GPBP1L1: variants seen among roughly 807,000 people sequenced by gnomAD.
The protein encoded by GPBP1L1 is vasculin-like protein 1.
A neutral mutation model predicts 52.5 loss-of-function variants in GPBP1L1; 23 were observed. The ratio of observed to expected loss-of-function variants is 0.44; its 90% CI spans 0.32 to 0.62. The LOEUF (loss-of-function observed/expected upper bound fraction) is 0.62. Ranked by LOEUF, GPBP1L1 falls within the 20% of genes least tolerant of loss-of-function variation. GPBP1L1 has a pLI of 0.06. For missense variants in GPBP1L1, 596 were observed against 579.3 expected (o/e 1.03, Z -0.30); for synonymous variants, 243 against 203.1 (o/e 1.20, Z -1.67).
chr1:45,687,457 T>G (rs900945513), upstream of GPBP1L1: 1 of 152,324 alleles, frequency 6.6e-6, no homozygotes, highest in African/African-American at 2.4e-5. Context: ...TCCGGAGGAT[T>G]GGAGGGACTG....
At chr1:45,637,780 A>G (rs1302655227) in intron 8 of GPBP1L1, among the ~76,000 whole-genome samples, 4 of 152,200 alleles carry the variant, frequency 2.6e-5, no homozygotes, top group South Asian at 2.1e-4. Flanking sequence ...TGGGACAAAC[A>G]TAAGTTGTGC....
intron 11 of GPBP1L1, among the ~76,000 whole-genome samples, 199 bp downstream of exon 11, chr1:45,630,283 G>C (rs1644513340): frequency 6.6e-6 from 1 of 152,188 alleles, no homozygotes. Context: ...TTGGAGAGTA[G>C]ATTGTGGAAA....
intron 10 of GPBP1L1, 124 bp from the exon 11 acceptor site, chr1:45,630,730 A>AT (rs10708598): frequency 6.8e-6 from 7 of 1,035,256 alleles, no homozygotes; most frequent in East Asian, 2.6e-5. Flanking sequence ...CAGCCCACAG[A>AT]TTTTTTTCCC....
intron 6 of GPBP1L1, among the ~76,000 whole-genome samples, chr1:45,645,279 G>C (rs1644729507): frequency 6.6e-6 from 1 of 152,158 alleles, no homozygotes; most frequent in Non-Finnish European, 1.5e-5. Context: ...GAACCGCCTA[G>C]AAGTATGTAT....
intron 6 of GPBP1L1, among the ~76,000 whole-genome samples, chr1:45,646,519 A>T (rs528154533): frequency 7.4e-4 from 112 of 151,976 alleles, no homozygotes; most frequent in African/African-American, 2.5e-3. Context: ...TTCAAATCTA[A>T]ATGTATTTCA....
At chr1:45,665,431 T>C (rs934942898) in intron 2 of GPBP1L1, among the ~76,000 whole-genome samples, 3 of 151,742 alleles carry the variant, frequency 2.0e-5, no homozygotes, top group South Asian at 2.1e-4. Context: ...AGTTTGGGAA[T>C]AGGTGAAATC....
chr1:45,631,385 C>T (rs1644529489), intron 10 of GPBP1L1, among the ~76,000 whole-genome samples: 1 of 152,120 alleles, frequency 6.6e-6, no homozygotes, highest in Non-Finnish European at 1.5e-5. Context: ...GCCTCAGCCT[C>T]CCATGTAGCT....
chr1:45,630,689 G>A (rs1644519027), intron 10 of GPBP1L1, 83 bp from the exon 11 acceptor site: 3 of 1,468,404 alleles, frequency 2.0e-6, no homozygotes, highest in Admixed American at 2.1e-5. Context: ...AAGGACTCAC[G>A]ACCCAGGAAG....
intron 2 of GPBP1L1, among the ~76,000 whole-genome samples, chr1:45,672,587 A>C (rs1386060298): frequency 6.6e-6 from 1 of 152,218 alleles, no homozygotes; most frequent in Non-Finnish European, 1.5e-5. Context: ...GATGTTAAGT[A>C]GATAGCTGGA....
chr1:45,682,020 GAAT>G (rs1390212921), intron 2 of GPBP1L1, among the ~76,000 whole-genome samples: 4 of 152,054 alleles, frequency 2.6e-5, no homozygotes, highest in African/African-American at 4.8e-5. Flanking sequence ...AAATAGTAAG[GAAT>G]AATAAGATTA....
Position 45,654,839 on chromosome 1 carries a change from T to C in GPBP1L1, c.191-10A>G, listed in dbSNP as rs774797461. ...GGCTGGTGCCAAGAATCTAGAATAGTAAAGAAAAGGACTAATTAGATTGTT... is the reference window on the plus strand; with the variant it reads ...GGCTGGTGCCAAGAATCTAGAATAGCAAAGAAAAGGACTAATTAGATTGTT... On this transcript the variant is annotated splice_polypyrimidine_tract_variant and intron_variant, in intron 5 of 12. Transcript: ENST00000355105. 3.7e-6 allele frequency: 6 copies of C among 1,611,190 alleles called. No homozygotes were observed. The South Asian group carries it at 6.6e-5, about 18-fold the overall frequency.
At chr1:45,644,769 T>C (rs979992056) in intron 6 of GPBP1L1, among the ~76,000 whole-genome samples, 6 of 152,202 alleles carry the variant, frequency 3.9e-5, no homozygotes, top group African/African-American at 1.4e-4. Flanking sequence ...CTTCTTTTAG[T>C]GATGCTGGCA....
intron 6 of GPBP1L1, among the ~76,000 whole-genome samples, chr1:45,653,362 A>G (rs1313324237): frequency 1.3e-5 from 2 of 152,222 alleles, no homozygotes; most frequent in Middle Eastern, 3.4e-3. Context: ...AGTGATAGCT[A>G]GTCTGTATAA....
At chr1:45,655,042 A>G in intron 5 of GPBP1L1, 148 bp downstream of exon 5, 2 of 1,049,438 alleles carry the variant, frequency 1.9e-6, no homozygotes, top group African/African-American at 1.6e-5. Flanking sequence ...TAGAAAGCCA[A>G]TGTAGTTGCG....
At chr1:45,641,881 T>C (rs1474787806) in intron 7 of GPBP1L1, 5 of 151,768 alleles carry the variant, frequency 3.3e-5, no homozygotes, top group African/African-American at 4.8e-5. Flanking sequence ...ATGAACTTTT[T>C]CTACTTAAAA....
chr1:45,669,622 C>T (rs1170317969), intron 2 of GPBP1L1, among the ~76,000 whole-genome samples: 1 of 103,380 alleles, frequency 9.7e-6, no homozygotes, highest in East Asian at 2.3e-4. Context: ...GTATGACCCC[C>T]CCTCCAACCC....
At position 45,640,282 on chromosome 1, in the gene GPBP1L1, C is replaced by T; in HGVS notation, c.672G>A (p.Gly224=). 6.2e-7 allele frequency: 1 copy of T among 1,614,100 alleles called. No homozygotes were observed. Among genetic ancestry groups the T allele is most frequent in the Non-Finnish European group, 8.5e-7 (1 of 1,179,992 alleles). The part of the protein sequence containing the change: ...FTSPGSHHAN[G]NKLSSVVPSV... ...TTGGAACCACGGATGACAATTTGTT[C>T]CCATTTGCATGGTGAGATCCTGGTG... The change falls in exon 8 of 13, where the codon GGG becomes GGA. Residue 224 remains glycine (G), a synonymous_variant. Transcript: ENST00000355105.
At position 45,666,047 on chromosome 1, in the gene GPBP1L1, C is replaced by T. The variant is rs534576480; in HGVS notation, c.-1097-4822G>A. The stretch of plus-strand genomic sequence containing the variant: ...AAGAGACAAGAAATAAGCCTTTCCC[C>T]CACCCCTCAAAAACCAGTCTAAAAA... On this transcript the variant is annotated intron_variant, in intron 2 of 12. Coordinates refer to ENST00000355105, the MANE Select transcript of GPBP1L1 (RefSeq NM_021639.5). Among the ~76,000 whole-genome samples, 51 of 152,140 alleles carry T rather than the reference C, an allele frequency of 3.4e-4. 1 individual carries two copies. The South Asian group carries it at 8.9e-3, about 27-fold the overall frequency.
upstream of GPBP1L1, chr1:45,687,851 C>CT (rs1213750318): frequency 1.3e-5 from 2 of 152,218 alleles, no homozygotes; most frequent in Admixed American, 1.3e-4. Flanking sequence ...CTTATAAACC[C>CT]TGTTTTGCAA....
Sources: gnomAD v4.1 joint callset for allele counts (sites outside exome capture counted in the v4.1 genomes callset) on GRCh38, gnomAD v4.1.1 for gene constraint, MANE v1.5 for transcripts, NCBI Gene and HGNC (gene_info 2026-07-23, HGNC 2026-07-21) for gene names.